KRTAP13-4: variants seen among roughly 807,000 people sequenced by gnomAD.
KRTAP13-4 encodes the protein keratin-associated protein 13-4.
For missense variants in KRTAP13-4, 198 were observed against 189.6 expected, an observed-to-expected ratio of 1.04 and a Z score of -0.26; for synonymous variants, 80 against 77.2, an observed-to-expected ratio of 1.04 and a Z score of -0.19.
Position 30,430,284 on chromosome 21 carries a change from C to T in KRTAP13-4, c.9C>T (p.Tyr3=), listed in dbSNP as rs1164924599. The change falls in exon 1 of 1, where the codon TAC becomes TAT. Residue 3 remains tyrosine (Y), a synonymous_variant. Coordinates refer to ENST00000334068, the Ensembl canonical transcript of KRTAP13-4. ...TCCCATCTCTCATCAGCATGTCCTA[C>T]AACTGCTGCTCTAGAAACTTCTCCT... The T allele has an allele frequency of 3.7e-6, 6 of 1,607,254 alleles. No individual in the cohort carries two copies. In the South Asian group the frequency reaches 6.6e-5, roughly 18 times the overall value.
rs770755717 is a variant in KRTAP13-4, at chr21:30,430,589, T to G, written c.314T>G (p.Leu105Arg). ...TATGGATCTAGGTGCTGCTACTCGC[T>G]GGGAAATGGATCCAGTGGCTTCAGA... Residue 105 changes from leucine to arginine, a missense_variant, in exon 1 of 1, where the codon CTG (leucine) becomes CGG (arginine). Physicochemically the swap from Leu to Arg is moderately radical, Grantham distance 102. Coordinates refer to ENST00000334068, the Ensembl canonical transcript of KRTAP13-4. 40 of 1,614,092 alleles carry G rather than the reference T, an allele frequency of 2.5e-5. No homozygotes were observed. The South Asian group carries it at 3.0e-4, about 12-fold the overall frequency.
rs1180246906 is a variant in KRTAP13-4, at chr21:30,430,723, A to G, written c.448A>G (p.Ile150Val). Residue 150 changes from isoleucine (I) to valine (V), a missense_variant, in exon 1 of 1, where the codon ATC becomes GTC. Transcript: ENST00000334068. ...CTGGCAGTCTTCTTGTTACAGACCA[A>G]TCTGTGGATCTCGCTTCTATCAATT... is the stretch of plus-strand genomic sequence containing the variant. 1 of 1,612,580 alleles carries G rather than the reference A, an allele frequency of 6.2e-7. No homozygotes were observed. Among genetic ancestry groups the G allele is most frequent in the African/African-American group, 1.3e-5 (1 of 74,814 alleles).
At chr21:30,430,429 CAGA>C in exon 1 of KRTAP13-4, 2 of 1,614,088 alleles carry the variant, frequency 1.2e-6, no homozygotes, top group Non-Finnish European at 1.7e-6. Context: ...CAGGGACTGT[CAGA>C]AGACCTGCTG....
At position 30,430,239 on chromosome 21, in the gene KRTAP13-4, T is replaced by G. The variant is rs1288997619; in HGVS notation, c.-37T>G. 2.0e-6 allele frequency: 3 copies of G among 1,535,236 alleles called. No homozygotes were observed. The African/African-American group carries it at 4.1e-5, about 21-fold the overall frequency. ...TGCGACATTAAAACTCAGAATCTTC[T>G]TAGGTACACTCAGCTGAACTCCCAT... On this transcript the variant is annotated 5_prime_UTR_variant, in exon 1 of 1. Coordinates refer to ENST00000334068, the Ensembl canonical transcript of KRTAP13-4.
At chr21:30,430,262 C>T in exon 1 of KRTAP13-4, 2 of 1,583,760 alleles carry the variant, frequency 1.3e-6, no homozygotes, top group Non-Finnish European at 8.6e-7. Context: ...GCTGAACTCC[C>T]ATCTCTCATC....
exon 1 of KRTAP13-4, chr21:30,430,688 C>T (rs759156206): frequency 1.4e-5 from 23 of 1,614,086 alleles, no homozygotes; most frequent in Non-Finnish European, 1.9e-5. Context: ...AACTACTTGG[C>T]TTCTGGAGCC....
At chr21:30,430,698 C>T (rs745545464) in exon 1 of KRTAP13-4, 1 of 1,614,172 alleles carries the variant, frequency 6.2e-7, no homozygotes, top group Non-Finnish European at 8.5e-7. Context: ...CTTCTGGAGC[C>T]TGGCAGTCTT....
chr21:30,430,418 A>G (rs374623376), exon 1 of KRTAP13-4: 1 of 1,614,006 alleles, frequency 6.2e-7, no homozygotes, highest in African/African-American at 1.3e-5. Flanking sequence ...TCCTCTCTCT[A>G]CAGGGACTGT....
chr21:30,430,712 GT>G, the KRTAP13-4 span: 1 of 1,613,950 alleles, frequency 6.2e-7, no homozygotes, highest in Non-Finnish European at 8.5e-7. Flanking sequence ...CAGTCTTCTT[GT>G]TACAGACCAA....
At chr21:30,430,547 G>C in exon 1 of KRTAP13-4, 1 of 1,614,218 alleles carries the variant, frequency 6.2e-7, no homozygotes. Flanking sequence ...CGGTCCAGCA[G>C]CTGTCGCTCC....
Sources: allele counts gnomAD v4.1 joint callset, GRCh38; gene constraint gnomAD v4.1.1; transcripts MANE v1.5; gene names NCBI Gene and HGNC (gene_info 2026-07-23, HGNC 2026-07-21).